The following WNK2 variants were observed in gnomAD, a reference collection of about 807,000 sequenced individuals.
WNK2 encodes the protein WNK lysine deficient protein kinase 2.
In WNK2, 67 loss-of-function variants were observed where a neutral mutation model predicts 192.1. That is an observed-to-expected ratio of 0.35 (90% CI 0.29 to 0.43). The LOEUF (loss-of-function observed/expected upper bound fraction) is 0.43. Among genes scored for constraint, WNK2 ranks in the 20% least tolerant of loss-of-function variants. The pLI, the probability that WNK2 is intolerant of heterozygous loss-of-function variation, is 1.00. For synonymous variants in WNK2, 1,439 were observed against 1,393.9 expected (o/e 1.03, Z -0.72); for missense variants, 2,698 against 3,089.7 (o/e 0.87, Z 3.01).
At chr9:93,228,600 A>G (rs1489677933) in intron 2 of WNK2, among the ~76,000 whole-genome samples, 1 of 152,172 alleles carries the variant, frequency 6.6e-6, no homozygotes, top group Non-Finnish European at 1.5e-5. Flanking sequence ...TGAGGAGGTG[A>G]TCCTGGGGGC....
In WNK2 at chr9:93,185,071, G is replaced by C; in HGVS notation, c.142G>C (p.Glu48Gln). 1.5e-6 allele frequency: 2 copies of C among 1,313,114 alleles called. No homozygotes were observed. The highest frequency in any genetic ancestry group is 1.9e-6 in the Non-Finnish European group (2 of 1,029,122). 81.3% of individuals were successfully genotyped at this position (1,313,114 alleles called of 1,614,324 possible). A position where few individuals can be genotyped will look rare whatever the true frequency, so the allele number is the denominator to read the frequency against. Residue 48 changes from glutamate (E) to glutamine (Q), a missense_variant, in exon 2 of 30, where the codon GAG (glutamate) becomes CAG (glutamine). Coordinates refer to ENST00000427277, the MANE Select transcript of WNK2 (RefSeq NM_006648.4). ...PQRFLRRSVVESDQEEPPGLE... is the reference protein window; with the variant it reads ...PQRFLRRSVVQSDQEEPPGLE... Reference sequence around the variant, plus strand: ...GCGCTTTCTGCGGCGCAGCGTGGTAGAGTCGGACCAGGAGGAGCCGCCGGG... The same window carrying C: ...GCGCTTTCTGCGGCGCAGCGTGGTACAGTCGGACCAGGAGGAGCCGCCGGG...
At position 93,317,553 on chromosome 9, in the gene WNK2, C is replaced by T. The variant is rs147878448; in HGVS notation, c.6550C>T (p.Arg2184Cys). 659 of 1,613,570 alleles carry T rather than the reference C, an allele frequency of 4.1e-4. 6 individuals carry two copies. The East Asian group carries it at 8.4e-3, about 21-fold the overall frequency. Residue 2184 changes from arginine to cysteine, a missense_variant, in exon 29 of 30, where the codon CGT (arginine) becomes TGT (cysteine). Arg to Cys is a radical substitution (Grantham distance 180, BLOSUM62 -3). Transcript: ENST00000427277. ...TAPRAGVGMP[R>C]LPPAPGPLST... Reference sequence around the variant, plus strand: ...ACCTCGAGCAGGAGTGGGGATGCCACGTCTGCCCCCAGCGCCCGGCCCTCT... The same window carrying T: ...ACCTCGAGCAGGAGTGGGGATGCCATGTCTGCCCCCAGCGCCCGGCCCTCT...
intron 7 of WNK2, among the ~76,000 whole-genome samples, chr9:93,244,602 C>T (rs908665093): frequency 4.6e-5 from 7 of 152,192 alleles, no homozygotes; most frequent in Admixed American, 3.9e-4. Context: ...TTGGCAGCCT[C>T]TGGTCACGTA....
In WNK2 at chr9:93,247,589, A is replaced by G. The variant is rs1404359481; in HGVS notation, c.1589A>G (p.Lys530Arg). Residue 530 changes from lysine to arginine, a missense_variant, in exon 8 of 30, where the codon AAG becomes AGG. Physicochemically the swap from Lys to Arg is conservative, Grantham distance 26. This residue lies in a region of WNK2 where 230 missense variants were observed against 501.1 expected (regional missense o/e 0.46). Coordinates refer to ENST00000427277, the MANE Select transcript of WNK2 (RefSeq NM_006648.4). The surrounding 1 kb of genome is among the most constrained non-coding windows in gnomAD (Gnocchi z 5.2). ...FHESDVKIVA[K>R]SIRDRVALIQ... ...GAGAGTGACGTCAAGATCGTGGCCA[A>G]GTCCATCCGTGACCGCGTGGCCTTG... 1.2e-6 allele frequency: 2 copies of G among 1,608,912 alleles called. No homozygotes were observed. The highest frequency in any genetic ancestry group is 1.7e-6 in the Non-Finnish European group (2 of 1,178,026).
chr9:93,279,654 A>G (rs933064990), intron 19 of WNK2, among the ~76,000 whole-genome samples: 5 of 152,248 alleles, frequency 3.3e-5, no homozygotes, highest in African/African-American at 9.6e-5. Context: ...CCAGATTTCA[A>G]TAATTATTAT....
rs1851345893 is a variant in WNK2, at chr9:93,300,183, C to G, written c.6214+34C>G. On this transcript the variant is annotated intron_variant, in intron 26 of 29. Coordinates refer to ENST00000427277, the MANE Select transcript of WNK2 (RefSeq NM_006648.4). ...TTGTTCTTTTGTATTTTATCACCTC[C>G]TGGCCCTTGGTTTTCTCCCCCCACC... is the stretch of plus-strand genomic sequence containing the variant. The G allele has an allele frequency of 2.5e-6, 4 of 1,581,794 alleles. No homozygotes were observed. In the African/African-American group the frequency reaches 4.0e-5, roughly 16 times the overall value.
chr9:93,288,735 G>T (rs1848841091), intron 19 of WNK2, 53 bp from the exon 20 acceptor site: 2 of 1,504,752 alleles, frequency 1.3e-6, no homozygotes, highest in Admixed American at 4.3e-5. Context: ...GAAGAAACAG[G>T]TAGATAGGAC....
At position 93,258,939 on chromosome 9, in the gene WNK2, G is replaced by A. The variant is rs1262209111; in HGVS notation, c.2391G>A (p.Pro797=). ...TCCTGTGTCTCTTTCAGATGCCCCC[G>A]ATTCCTGTTGTGCCCCCCATCACGC... is the stretch of plus-strand genomic sequence containing the variant. ...PLAQVPPQMP[P]IPVVPPITPL... The change falls in exon 12 of 30, where the codon CCG becomes CCA. Residue 797 remains proline (P), a synonymous_variant. Transcript: ENST00000427277. 3 of 1,611,334 alleles carry A rather than the reference G, an allele frequency of 1.9e-6. No individual in the cohort carries two copies. The African/African-American group carries it at 4.0e-5, about 22-fold the overall frequency.
In WNK2 at chr9:93,185,227, G is replaced by A; in HGVS notation, c.298G>A (p.Ala100Thr). 1 of 1,193,794 alleles carries A rather than the reference G, an allele frequency of 8.4e-7. No individual in the cohort carries two copies. The highest frequency in any genetic ancestry group is 1.0e-6 in the Non-Finnish European group (1 of 965,986). 74.0% of individuals were successfully genotyped at this position (1,193,794 alleles called of 1,614,324 possible). A position where few individuals can be genotyped will look rare whatever the true frequency, so the allele number is the denominator to read the frequency against. ...ACGCCCCGCCGCCCCCGCGCCCGCA[G>A]CGCTGGTAGCGCAGCCGGGAGCCCC... ...RGRPAAPAPA[A>T]LVAQPGAPGA... The change falls in exon 2 of 30, where the codon GCG becomes ACG. Residue 100 changes from alanine to threonine, a missense_variant. Physicochemically the swap from Ala to Thr is moderately conservative, Grantham distance 58. This residue lies in a region of WNK2 where 260 missense variants were observed against 285.6 expected (regional missense o/e 0.91). Transcript: ENST00000427277.
rs936862882 is a variant in WNK2, at chr9:93,247,783, G to A, written c.1783G>A (p.Asp595Asn). ...GPPEPEEPEA[D>N]QHLLPPTLPT... ...ACCAGAGCCCGAGGAGCCGGAGGCC[G>A]ACCAGCACCTCCTGCCACCTACGTT... is the stretch of plus-strand genomic sequence containing the variant. The change falls in exon 8 of 30, where the codon GAC (aspartate) becomes AAC (asparagine). Residue 595 changes from aspartate to asparagine, a missense_variant. By Grantham distance (23) the Asp-to-Asn change is conservative (BLOSUM62 1). Coordinates refer to ENST00000427277, the MANE Select transcript of WNK2 (RefSeq NM_006648.4). The surrounding 1 kb of genome is among the most constrained non-coding windows in gnomAD (Gnocchi z 5.2). 24 of 1,547,874 alleles carry A rather than the reference G, an allele frequency of 1.6e-5. No individual in the cohort carries two copies. Among genetic ancestry groups the A allele is most frequent in the East Asian group, 2.4e-5 (1 of 41,114 alleles).
chr9:93,246,291 C>G (rs1841670435), intron 7 of WNK2, among the ~76,000 whole-genome samples: 1 of 152,200 alleles, frequency 6.6e-6, no homozygotes, highest in Admixed American at 6.5e-5. Context: ...TTCTCCTGCC[C>G]AGCCTTGAGC....
At chr9:93,320,225 C>T in intron 29 of WNK2, 142 bp from the exon 30 acceptor site, 2 of 844,348 alleles carry the variant, frequency 2.4e-6, no homozygotes, top group Non-Finnish European at 3.4e-6. Context: ...GAGGACAAGA[C>T]CATCTACACA....
At chr9:93,217,783 C>T (rs1410543492) in intron 2 of WNK2, among the ~76,000 whole-genome samples, 4 of 152,238 alleles carry the variant, frequency 2.6e-5, no homozygotes, top group Non-Finnish European at 5.9e-5. Context: ...GACATCTTGA[C>T]CTGAGGCCAA....
intron 21 of WNK2, among the ~76,000 whole-genome samples, chr9:93,290,421 T>G (rs1588468922): frequency 6.6e-6 from 1 of 152,124 alleles, no homozygotes; most frequent in Admixed American, 6.5e-5. Flanking sequence ...TCTTCCAATG[T>G]GGTGCAGGGA....
chr9:93,200,333 A>G (rs1230987829), intron 2 of WNK2, among the ~76,000 whole-genome samples: 2 of 152,150 alleles, frequency 1.3e-5, no homozygotes, highest in Admixed American at 6.5e-5. Context: ...TCAGCTGGAT[A>G]TGGCTGGGTG....
intron 2 of WNK2, among the ~76,000 whole-genome samples, chr9:93,217,115 C>T (rs1462435540): frequency 2.6e-5 from 4 of 152,026 alleles, no homozygotes; most frequent in Non-Finnish European, 5.9e-5. Context: ...TGCACCACCA[C>T]GCCTAGCTAA....
chr9:93,317,414 G>C (rs1854890318), intron 28 of WNK2, 106 bp from the exon 29 acceptor site: 5 of 1,082,254 alleles, frequency 4.6e-6, no homozygotes, highest in Non-Finnish European at 6.8e-6. Context: ...TTCCAGGACT[G>C]CTGCCTCCTG....
chr9:93,205,443 GC>G (rs989206381), intron 2 of WNK2, among the ~76,000 whole-genome samples: 2 of 152,142 alleles, frequency 1.3e-5, no homozygotes, highest in Non-Finnish European at 2.9e-5. Flanking sequence ...CCTATCCTGG[GC>G]CCCCTTGTTC....
intron 2 of WNK2, among the ~76,000 whole-genome samples, chr9:93,191,450 C>T (rs917501162): frequency 6.6e-6 from 1 of 151,978 alleles, no homozygotes; most frequent in Non-Finnish European, 1.5e-5. Flanking sequence ...GGAGACAGAG[C>T]CTGTGAGACC....
Sources: allele counts gnomAD v4.1 joint callset (sites outside exome capture counted in the v4.1 genomes callset), GRCh38; gene constraint gnomAD v4.1.1; regional missense constraint gnomAD v4.1.1; non-coding constraint Gnocchi (gnomAD v3.1); transcripts MANE v1.5; gene names NCBI Gene and HGNC (gene_info 2026-07-23, HGNC 2026-07-21).